The following KIAA1217 variants were observed in gnomAD, a reference collection of about 807,000 sequenced individuals.
KIAA1217 encodes KIAA1217, also known as sickle tail protein homolog.
Under a neutral mutation model 163.9 loss-of-function variants are expected in KIAA1217, and 88 were observed. That is an observed-to-expected ratio of 0.54 (90% CI 0.45 to 0.64). The LOEUF is 0.64. Ranked by LOEUF, KIAA1217 falls within the 30% of genes least tolerant of loss-of-function variation. KIAA1217 has a pLI of 0.00. For missense variants in KIAA1217, 2,372 were observed against 2,475.0 expected (o/e 0.96, Z 0.88); for synonymous variants, 903 against 923.1 (o/e 0.98, Z 0.39).
chr10:24,408,974 T>C (rs1397798196), intron 3 of KIAA1217, among the ~76,000 whole-genome samples: 1 of 152,258 alleles, frequency 6.6e-6, no homozygotes, highest in African/African-American at 2.4e-5. Flanking sequence ...TACAAGCTCC[T>C]AGTATGGTGC....
chr10:24,541,317 T>C (rs553904184), intron 17 of KIAA1217, among the ~76,000 whole-genome samples: 1 of 151,926 alleles, frequency 6.6e-6, no homozygotes, highest in Admixed American at 6.6e-5. Context: ...ATGGCACTTG[T>C]TTGGGGGCTT....
chr10:24,411,022 G>GAGGCACCACCTATTAAAA (rs1417223305), intron 3 of KIAA1217, among the ~76,000 whole-genome samples: 2 of 152,160 alleles, frequency 1.3e-5, no homozygotes, highest in Non-Finnish European at 2.9e-5. Context: ...CCGTGTAAGA[G>GAGGCACCACCTATTAAAA]AGGCACCACC....
At chr10:23,940,189 G>C (rs948586077) in intron 1 of KIAA1217, among the ~76,000 whole-genome samples, 1 of 151,992 alleles carries the variant, frequency 6.6e-6, no homozygotes, top group Non-Finnish European at 1.5e-5. Flanking sequence ...GCTGAGTGCA[G>C]TGGCTCACGC....
rs1415721298 is a variant in KIAA1217 at position 23,790,012 on chromosome 10, C to T, written c.-321+94778C>T. Among the ~76,000 whole-genome samples the T allele has an allele frequency of 1.7e-5, 2 of 114,610 alleles. 1 individual carries two copies. The highest frequency in any genetic ancestry group is 7.2e-5 in the African/African-American group (2 of 27,748). The allele number at this position is 114,610 out of a possible 152,430, so 75.2% of individuals were successfully genotyped here. A position where few individuals can be genotyped will look rare whatever the true frequency, so the allele number is the denominator to read the frequency against. ...ATACATATACACATATGCACATACA[C>T]ATATACACATATGCATATACACATA... On this transcript the variant is annotated intron_variant, in intron 1 of 18. Transcript: ENST00000376462.
At chr10:24,014,610 A>T (rs1007555809) in intron 2 of KIAA1217, among the ~76,000 whole-genome samples, 1 of 152,174 alleles carries the variant, frequency 6.6e-6, no homozygotes, top group African/African-American at 2.4e-5. Flanking sequence ...CCATTTTGCC[A>T]GTTAATGATA....
chr10:23,966,143 G>T (rs1564571484), intron 1 of KIAA1217, among the ~76,000 whole-genome samples: 1 of 152,206 alleles, frequency 6.6e-6, no homozygotes, highest in African/African-American at 2.4e-5. Context: ...CTGGTTTAAT[G>T]ATCTGTTGTC....
intron 2 of KIAA1217, among the ~76,000 whole-genome samples, chr10:24,087,770 T>C (rs1369750282): frequency 6.6e-6 from 1 of 152,170 alleles, no homozygotes; most frequent in Non-Finnish European, 1.5e-5. Context: ...GGTAGTCTTC[T>C]TGCTCACAGT....
chr10:23,787,878 T>C (rs1163200748), intron 1 of KIAA1217, among the ~76,000 whole-genome samples: 1 of 152,128 alleles, frequency 6.6e-6, no homozygotes, highest in Non-Finnish European at 1.5e-5. Context: ...GTTTCCTTCA[T>C]TGGTAAGTCC....
rs538891315 is a variant in KIAA1217 at position 23,704,170 on chromosome 10, G to A, written c.-321+8936G>A. On this transcript the variant is annotated intron_variant, in intron 1 of 18. Transcript: ENST00000376462. ...TATGTGTGTGTGTGTGTGTGTGTGT[G>A]TGTATATATATATATATATATATAT... Among the ~76,000 whole-genome samples the A allele has an allele frequency of 8.0e-3, 433 of 53,874 alleles. 2 individuals are homozygous for A. The highest frequency in any genetic ancestry group is 0.046 in the African/African-American group (327 of 7,082). The allele number at this position is 53,874 out of a possible 152,430, so 35.3% of individuals were successfully genotyped here. A position where few individuals can be genotyped will look rare whatever the true frequency, so the allele number is the denominator to read the frequency against.
intron 2 of KIAA1217, among the ~76,000 whole-genome samples, chr10:24,111,548 A>C (rs1423303501): frequency 6.6e-6 from 1 of 152,224 alleles, no homozygotes; most frequent in Non-Finnish European, 1.5e-5. Flanking sequence ...ATAGCTTAAA[A>C]TGTTTTTTGA....
chr10:24,335,154 G>A (rs1279748887), intron 2 of KIAA1217, among the ~76,000 whole-genome samples: 5 of 152,106 alleles, frequency 3.3e-5, no homozygotes, highest in Admixed American at 2.0e-4. Context: ...GCCAGCCAGA[G>A]GACCACCTGT....
At chr10:23,791,919 A>G (rs1229209180) in intron 1 of KIAA1217, among the ~76,000 whole-genome samples, 1 of 152,194 alleles carries the variant, frequency 6.6e-6, no homozygotes, top group African/African-American at 2.4e-5. Flanking sequence ...CTAATCCAGA[A>G]TAATTTATAC....
chr10:24,264,500 AAAAAG>A (rs1184866949), intron 2 of KIAA1217, among the ~76,000 whole-genome samples: 1 of 152,150 alleles, frequency 6.6e-6, no homozygotes, highest in African/African-American at 2.4e-5. Flanking sequence ...AAAGAAGAGG[AAAAAG>A]AAAAGAAAAA....
At position 24,547,812 on chromosome 10, in the gene KIAA1217, A is replaced by G. The variant is rs2075777899; in HGVS notation, c.*1488A>G. 6.6e-6 allele frequency: 1 copy of G among 152,176 alleles called. No individual in the cohort carries two copies. Among genetic ancestry groups the G allele is most frequent in the Admixed American group, 6.5e-5 (1 of 15,282 alleles). 9.4% of individuals were successfully genotyped at this position (152,176 alleles called of 1,614,324 possible). The stretch of plus-strand genomic sequence containing the variant: ...TCTCTCTTTTTAAAAAACTTCCAGT[A>G]GAAGTAAAGTGGAAATAAAATGTCT... On this transcript the variant is annotated 3_prime_UTR_variant, in exon 21 of 21. Coordinates refer to ENST00000376454, the MANE Select transcript of KIAA1217 (RefSeq NM_019590.5).
chr10:23,898,752 A>G (rs1032534002), intron 1 of KIAA1217, among the ~76,000 whole-genome samples: 3 of 151,634 alleles, frequency 2.0e-5, no homozygotes, highest in Non-Finnish European at 2.9e-5. Flanking sequence ...CTCCACCCCA[A>G]CTCCTCACAA....
intron 16 of KIAA1217, among the ~76,000 whole-genome samples, chr10:24,534,594 T>C (rs2073673088): frequency 6.6e-6 from 1 of 152,024 alleles, no homozygotes. Flanking sequence ...ATAATAAAAG[T>C]GGTGGCCAGG....
chr10:23,814,399 T>G (rs532708401), intron 1 of KIAA1217, among the ~76,000 whole-genome samples: 1 of 152,270 alleles, frequency 6.6e-6, no homozygotes, highest in Non-Finnish European at 1.5e-5. Context: ...TGAGTGATCT[T>G]GGGTCTGCCT....
chr10:24,541,516 G>C (rs116392878), intron 17 of KIAA1217, among the ~76,000 whole-genome samples: 7 of 152,118 alleles, frequency 4.6e-5, no homozygotes, highest in Non-Finnish European at 1.0e-4. Context: ...GGCTGGGCCC[G>C]GGTGTTTGTG....
chr10:24,111,214 G>A (rs911477959), intron 2 of KIAA1217, among the ~76,000 whole-genome samples: 4 of 152,134 alleles, frequency 2.6e-5, no homozygotes, highest in Non-Finnish European at 5.9e-5. Context: ...TCCAAAGGTT[G>A]GCTATGGATA....
Sources: allele counts gnomAD v4.1 joint callset (sites outside exome capture counted in the v4.1 genomes callset), GRCh38; gene constraint gnomAD v4.1.1; transcripts MANE v1.5; gene names NCBI Gene and HGNC (gene_info 2026-07-23, HGNC 2026-07-21).